PLXNC1: variants seen among roughly 807,000 people sequenced by gnomAD.
PLXNC1 encodes plexin C1.
In PLXNC1, 75 loss-of-function variants were observed where a neutral mutation model predicts 178.2. That is an observed-to-expected ratio of 0.42 (90% confidence interval 0.35 to 0.51). The LOEUF (loss-of-function observed/expected upper bound fraction) is 0.51, where lower values mean the gene tolerates loss of function less well. PLXNC1 is among the 20% of genes least tolerant of loss of function. The probability of loss-of-function intolerance (pLI) is 0.02; values close to 1 mark genes in which losing one functional copy is unlikely to be tolerated. For synonymous variants in PLXNC1, 790 were observed against 779.9 expected, an observed-to-expected ratio of 1.01 and a Z score of -0.22; for missense variants, 1,503 against 1,984.4, an observed-to-expected ratio of 0.76 and a Z score of 4.61.
At position 94,307,652 on chromosome 12, in the gene PLXNC1, A is replaced by T. The variant is rs1013572030; in HGVS notation, c.*2367A>T. ...ATGTTTTAAATGTCTATATCCAAAAAATAAACATTTTGATGTAACTGTGGA... is the reference window on the plus strand; with the variant it reads ...ATGTTTTAAATGTCTATATCCAAAATATAAACATTTTGATGTAACTGTGGA... On this transcript the variant is annotated 3_prime_UTR_variant, in exon 31 of 31. Coordinates refer to ENST00000258526, the MANE Select transcript of PLXNC1 (RefSeq NM_005761.3). 6.6e-6 allele frequency: 1 copy of T among 151,512 alleles called. No individual in the cohort carries two copies. Among genetic ancestry groups the T allele is most frequent in the Non-Finnish European group, 1.5e-5 (1 of 67,946 alleles). 9.4% of individuals were successfully genotyped at this position (151,512 alleles called of 1,614,324 possible). A position where few individuals can be genotyped will look rare whatever the true frequency, so the allele number is the denominator to read the frequency against.
At chr12:94,259,542 G>A (rs2136080094) in intron 18 of PLXNC1, 68 bp from the exon 19 acceptor site, 2 of 1,265,792 alleles carry the variant, frequency 1.6e-6, no homozygotes, top group South Asian at 1.6e-5. Flanking sequence ...CCCATTGTGG[G>A]TCTACTTTCT....
Position 94,303,810 on chromosome 12 carries a change from G to C in PLXNC1, c.4441G>C (p.Glu1481Gln). ...YAKDIPTYKEEVKSYYKAIRD... is the reference protein window; with the variant it reads ...YAKDIPTYKEQVKSYYKAIRD... ...CAAGGATATCCCAACCTACAAAGAA[G>C]AAGTAAAATCTTATTACAAAGCAAT... Residue 1481 changes from glutamate to glutamine, a missense_variant, in exon 29 of 31, where the codon GAA (glutamate) becomes CAA (glutamine). Physicochemically the swap from Glu to Gln is conservative, Grantham distance 29. Transcript: ENST00000258526. 1 of 1,535,050 alleles carries C rather than the reference G, an allele frequency of 6.5e-7. No individual in the cohort carries two copies. The highest frequency in any genetic ancestry group is 2.5e-5 in the East Asian group (1 of 39,822).
intron 5 of PLXNC1, among the ~76,000 whole-genome samples, chr12:94,214,989 C>T (rs777892610): frequency 2.0e-4 from 31 of 151,910 alleles, no homozygotes; most frequent in Non-Finnish European, 3.7e-4. Flanking sequence ...CTCTGCCTCC[C>T]GGGTTCAAGC....
intron 4 of PLXNC1, 180 bp downstream of exon 4, chr12:94,186,653 G>C: frequency 1.8e-6 from 1 of 544,310 alleles, no homozygotes; most frequent in South Asian, 1.9e-5. Flanking sequence ...CGGCGTCCGT[G>C]CTATGCAATC....
rs545463488 is a variant in PLXNC1 at position 94,265,210 on chromosome 12, G to A, written c.3582G>A (p.Pro1194=). 8.1e-6 allele frequency: 13 copies of A among 1,611,664 alleles called. No homozygotes were observed. Among genetic ancestry groups the A allele is most frequent in the Middle Eastern group, 1.7e-4 (1 of 6,038 alleles). Reference sequence around the variant, plus strand: ...AAGACTGGCTGTTGTGGCAGGTTCCGGAATTCAGTACTGTGGTATGTTTTC... The same window carrying A: ...AAGACTGGCTGTTGTGGCAGGTTCCAGAATTCAGTACTGTGGTATGTTTTC... ...LNEDWLLWQV[P]EFSTVALNVV... The change falls in exon 21 of 31, where the codon CCG becomes CCA. Residue 1194 remains proline (P), a synonymous_variant. Transcript: ENST00000258526.
intron 21 of PLXNC1, among the ~76,000 whole-genome samples, chr12:94,265,980 A>G (rs1195679499): frequency 1.3e-5 from 2 of 152,352 alleles, no homozygotes; most frequent in South Asian, 2.1e-4. Context: ...CTGTTAGTAG[A>G]GACTTGGAGA....
At chr12:94,289,094 A>C (rs1024304570) in intron 23 of PLXNC1, among the ~76,000 whole-genome samples, 1 of 152,222 alleles carries the variant, frequency 6.6e-6, no homozygotes, top group Admixed American at 6.5e-5. Context: ...TCAACCTTAC[A>C]TTTCTAGAAA....
At chr12:94,237,552 A>G (rs941707154) in intron 9 of PLXNC1, 112 bp from the exon 10 acceptor site, 8 of 854,450 alleles carry the variant, frequency 9.4e-6, no homozygotes, top group African/African-American at 1.7e-5. Context: ...GTGTTCGCAA[A>G]ATGTTGTAAT....
At chr12:94,187,109 C>A (rs923147242) in intron 4 of PLXNC1, among the ~76,000 whole-genome samples, 1 of 151,956 alleles carries the variant, frequency 6.6e-6, no homozygotes. Flanking sequence ...CCATGGCAAC[C>A]CAGTACTGGG....
chr12:94,169,525 G>T (rs1344483474), intron 2 of PLXNC1, among the ~76,000 whole-genome samples: 2 of 152,136 alleles, frequency 1.3e-5, no homozygotes, highest in Non-Finnish European at 2.9e-5. Context: ...AGTGCACCAA[G>T]ATGTTTTTCC....
At chr12:94,221,730 G>A (rs1963800751) in intron 6 of PLXNC1, among the ~76,000 whole-genome samples, 1 of 152,154 alleles carries the variant, frequency 6.6e-6, no homozygotes, top group Admixed American at 6.5e-5. Context: ...TTCAGTGTCT[G>A]GTAATGGCTT....
chr12:94,169,236 C>A lies in PLXNC1; in HGVS notation c.1146C>A (p.Thr382=), dbSNP rs772151160. 3 of 1,613,718 alleles carry A rather than the reference C, an allele frequency of 1.9e-6. No homozygotes were observed. In the African/African-American group the frequency reaches 4.0e-5, roughly 22 times the overall value. The part of the protein sequence containing the change: ...IHSDLTSVYG[T]VVMNRTVLFL... Reference sequence around the variant, plus strand: ...CCGACCTGACATCCGTTTATGGCACCGTGGTAATGAACAGGACTGTTTTAT... The same window carrying A: ...CCGACCTGACATCCGTTTATGGCACAGTGGTAATGAACAGGACTGTTTTAT... Residue 382 remains threonine (T), a synonymous_variant, in exon 2 of 31, where the codon ACC becomes ACA. Transcript: ENST00000258526.
chr12:94,304,429 T>C (rs907444196), intron 30 of PLXNC1: 3 of 166,170 alleles, frequency 1.8e-5, no homozygotes, highest in Non-Finnish European at 2.6e-5. Context: ...TATTCAATCG[T>C]TATATGAAAT....
At chr12:94,183,981 G>T (rs1339714161) in intron 3 of PLXNC1, among the ~76,000 whole-genome samples, 1 of 152,154 alleles carries the variant, frequency 6.6e-6, no homozygotes, top group East Asian at 1.9e-4. Context: ...TAAGCTATGG[G>T]ATATCCATAA....
At chr12:94,201,993 C>G (rs1204653027) in intron 4 of PLXNC1, among the ~76,000 whole-genome samples, 1 of 151,808 alleles carries the variant, frequency 6.6e-6, no homozygotes, top group Non-Finnish European at 1.5e-5. Context: ...GTCTTGAGCT[C>G]CTGGCCTCAA....
rs898335627 is a variant in PLXNC1 at position 94,226,999 on chromosome 12, G to T, written c.1894-150G>T. The T allele has an allele frequency of 2.6e-4, 163 of 627,832 alleles. No homozygotes were observed. The South Asian group carries it at 2.9e-3, about 11-fold the overall frequency. 38.9% of individuals were successfully genotyped at this position (627,832 alleles called of 1,614,324 possible). ...GATCGCGCCACTGCACTCCCAGCCT[G>T]GGTGACAGAGTGAGACTCCGTCTCA... is the stretch of plus-strand genomic sequence containing the variant. On this transcript the variant is annotated intron_variant, in intron 8 of 30. Transcript: ENST00000258526.
intron 12 of PLXNC1, among the ~76,000 whole-genome samples, chr12:94,247,062 A>G (rs1277370282): frequency 2.6e-5 from 4 of 152,092 alleles, no homozygotes; most frequent in African/African-American, 7.2e-5. Context: ...GTATTTACTA[A>G]CTTTTTAAAT....
At chr12:94,259,073 A>G (rs1484396226) in intron 17 of PLXNC1, among the ~76,000 whole-genome samples, 1 of 152,194 alleles carries the variant, frequency 6.6e-6, no homozygotes, top group Non-Finnish European at 1.5e-5. Flanking sequence ...AAAACGTGGG[A>G]TGATACCTTC....
chr12:94,227,068 G>T (rs574936306), intron 8 of PLXNC1, 81 bp from the exon 9 acceptor site: 2 of 932,684 alleles, frequency 2.1e-6, no homozygotes, highest in South Asian at 1.3e-5. Context: ...TGACTGCCTG[G>T]TCCTACCTTC....
Sources: allele counts gnomAD v4.1 joint callset (sites outside exome capture counted in the v4.1 genomes callset), GRCh38; gene constraint gnomAD v4.1.1; transcripts MANE v1.5; gene names NCBI Gene and HGNC (gene_info 2026-07-23, HGNC 2026-07-21).